Variants in UBE2K observed in about 807,000 individuals in gnomAD.
UBE2K encodes the protein ubiquitin-conjugating enzyme E2 K.
A neutral mutation model predicts 30.0 loss-of-function variants in UBE2K; 6 were observed. The observed-to-expected ratio is 0.20, with a 90% confidence interval of 0.11 to 0.39. The LOEUF (loss-of-function observed/expected upper bound fraction) is 0.39, where lower values mean the gene tolerates loss of function less well. Among genes scored for constraint, UBE2K ranks in the 10% least tolerant of loss-of-function variants. UBE2K has a pLI of 1.00. For missense variants in UBE2K, 61 were observed against 241.6 expected, an observed-to-expected ratio of 0.25 and a Z score of 4.96; for synonymous variants, 86 against 83.7, an observed-to-expected ratio of 1.03 and a Z score of -0.15.
intron 2 of UBE2K, among the ~76,000 whole-genome samples, chr4:39,743,398 T>TA (rs1720809696): frequency 6.6e-6 from 1 of 152,164 alleles, no homozygotes; most frequent in Non-Finnish European, 1.5e-5. Context: ...GGTCAGGAGA[T>TA]TGAGACCATC....
chr4:39,738,823 G>A (rs187000238), intron 2 of UBE2K, among the ~76,000 whole-genome samples: 27 of 151,766 alleles, frequency 1.8e-4, no homozygotes, highest in Admixed American at 1.1e-3. Context: ...GATTACAGGC[G>A]CACCACCATG....
At chr4:39,702,180 T>C (rs1718051440) in intron 1 of UBE2K, among the ~76,000 whole-genome samples, 1 of 151,858 alleles carries the variant, frequency 6.6e-6, no homozygotes, top group African/African-American at 2.4e-5. Flanking sequence ...TGTTGGTTTT[T>C]CATGTTGTAA....
At chr4:39,720,539 T>G (rs2109326312) in intron 1 of UBE2K, among the ~76,000 whole-genome samples, 1 of 152,316 alleles carries the variant, frequency 6.6e-6, no homozygotes, top group South Asian at 2.1e-4. Context: ...GAACAGCTAA[T>G]AAGTGTGTTT....
At chr4:39,698,576 A>G (rs1313918411) in intron 1 of UBE2K, among the ~76,000 whole-genome samples, 186 bp downstream of exon 1, 1 of 151,784 alleles carries the variant, frequency 6.6e-6, no homozygotes, top group Non-Finnish European at 1.5e-5. Context: ...GAGCGCTAGG[A>G]TGGACGGTCT....
chr4:39,736,644 C>T lies in UBE2K; in HGVS notation c.64-776C>T, dbSNP rs374083879. On this transcript the variant is annotated intron_variant, in intron 1 of 6. Transcript: ENST00000261427. ...TGAATCATTTAAGGTTATCATGGCT[C>T]TGAGAATGGACTGTCATAAGGTTAA... Among the ~76,000 whole-genome samples the T allele has an allele frequency of 3.7e-4, 56 of 152,274 alleles. 1 individual carries two copies. Among genetic ancestry groups the T allele is most frequent in the Middle Eastern group, 3.4e-3 (1 of 294 alleles).
intron 1 of UBE2K, 109 bp downstream of exon 1, chr4:39,698,499 G>A: frequency 3.1e-6 from 3 of 979,768 alleles, no homozygotes; most frequent in Non-Finnish European, 4.8e-6. Context: ...CCTTGCGGCC[G>A]CCCTTCTGCC....
rs117334723 is a variant in UBE2K, at chr4:39,778,016, T to A, written c.528+206T>A. 2.0e-4 allele frequency among the ~76,000 whole-genome samples: 30 copies of A among 146,812 alleles called. 1 individual carries two copies. In the East Asian group the frequency reaches 6.1e-3, roughly 30 times the overall value. ...TGAAGGCTGAGGTGAGAGAATCCCT[T>A]GGGCCCAGGAGGTCGAGGCTGCAGT... On this transcript the variant is annotated intron_variant, in intron 6 of 6. Transcript: ENST00000261427.
chr4:39,734,373 C>T (rs1465738611), intron 1 of UBE2K, among the ~76,000 whole-genome samples: 3 of 152,116 alleles, frequency 2.0e-5, no homozygotes, highest in Non-Finnish European at 2.9e-5. Context: ...CCGCATGCAC[C>T]TGACCAGAAT....
intron 3 of UBE2K, among the ~76,000 whole-genome samples, chr4:39,746,122 A>G (rs1428214919): frequency 6.6e-6 from 1 of 152,144 alleles, no homozygotes; most frequent in Non-Finnish European, 1.5e-5. Flanking sequence ...TTTTACACAT[A>G]GACAGAGGTT....
At chr4:39,714,621 A>G (rs1718936549) in intron 1 of UBE2K, among the ~76,000 whole-genome samples, 2 of 138,088 alleles carry the variant, frequency 1.4e-5, no homozygotes, top group South Asian at 4.7e-4. Context: ...ATCTCAGCCC[A>G]CTGCAGCCTC....
At chr4:39,771,575 G>A (rs965444436) in intron 4 of UBE2K, among the ~76,000 whole-genome samples, 1 of 152,168 alleles carries the variant, frequency 6.6e-6, no homozygotes, top group Non-Finnish European at 1.5e-5. Context: ...AGGGCGGGAG[G>A]GTGTATAGGG....
chr4:39,707,188 G>A (rs7693996), intron 1 of UBE2K, among the ~76,000 whole-genome samples: 15,845 of 151,932 alleles, frequency 0.1, 1,207 homozygotes, highest in East Asian at 0.22. Flanking sequence ...GGGCTTACAT[G>A]TGTGAGCCAC....
intron 1 of UBE2K, among the ~76,000 whole-genome samples, chr4:39,722,728 A>AT (rs543118567): frequency 4.0e-5 from 6 of 150,826 alleles, no homozygotes; most frequent in African/African-American, 7.3e-5. Context: ...CCCGTGTGGG[A>AT]TTTTTTTTTC....
chr4:39,770,064 C>T (rs1712669375), intron 4 of UBE2K: 2 of 1,520,998 alleles, frequency 1.3e-6, no homozygotes, highest in Non-Finnish European at 1.8e-6. Context: ...AGCCTCCGGG[C>T]CTCCACGCCT....
intron 4 of UBE2K, among the ~76,000 whole-genome samples, chr4:39,756,874 G>C (rs933210603): frequency 6.6e-6 from 1 of 152,042 alleles, no homozygotes; most frequent in African/African-American, 2.4e-5. Context: ...GAACAAAATA[G>C]AACAGCAGTT....
At chr4:39,774,263 C>T (rs1026649308) in intron 4 of UBE2K, among the ~76,000 whole-genome samples, 2 of 151,612 alleles carry the variant, frequency 1.3e-5, no homozygotes, top group Non-Finnish European at 2.9e-5. Context: ...AAGATAGTGC[C>T]ACTGCCCACT....
chr4:39,761,914 G>A (rs1711974462), intron 4 of UBE2K, among the ~76,000 whole-genome samples: 1 of 151,534 alleles, frequency 6.6e-6, no homozygotes, highest in Non-Finnish European at 1.5e-5. Flanking sequence ...GGTGGCTGAT[G>A]CCTATAATCC....
At chr4:39,760,468 A>C (rs764665487) in intron 4 of UBE2K, among the ~76,000 whole-genome samples, 2 of 152,218 alleles carry the variant, frequency 1.3e-5, no homozygotes, top group Admixed American at 1.3e-4. Flanking sequence ...ATAAACAGTA[A>C]AAAAGAGCCT....
intron 2 of UBE2K, among the ~76,000 whole-genome samples, chr4:39,742,354 T>C (rs1720749761): frequency 6.6e-6 from 1 of 152,032 alleles, no homozygotes; most frequent in African/African-American, 2.4e-5. Flanking sequence ...TTCTTTCCAC[T>C]ACTTTTCTTT....
Sources: allele counts gnomAD v4.1 joint callset (sites outside exome capture counted in the v4.1 genomes callset), GRCh38; gene constraint gnomAD v4.1.1; transcripts MANE v1.5; gene names NCBI Gene and HGNC (gene_info 2026-07-23, HGNC 2026-07-21).